The following ADCY1 variants were observed in gnomAD, a reference collection of about 807,000 sequenced individuals.
ADCY1 encodes adenylate cyclase 1.
In ADCY1, 28 loss-of-function variants were observed where a neutral mutation model predicts 105.4. The ratio of observed to expected loss-of-function variants is 0.27; its 90% CI spans 0.20 to 0.36. The LOEUF is 0.36. Ranked by LOEUF, ADCY1 falls within the 10% of genes least tolerant of loss-of-function variation. ADCY1 has a pLI of 1.00. For missense variants in ADCY1, 977 were observed against 1,434.2 expected (o/e 0.68, Z 5.15); for synonymous variants, 655 against 623.8 (o/e 1.05, Z -0.75).
intron 4 of ADCY1, among the ~76,000 whole-genome samples, chr7:45,644,271 T>C (rs1042045396): frequency 2.0e-5 from 3 of 152,218 alleles, no homozygotes; most frequent in Non-Finnish European, 4.4e-5. Context: ...AGCTCTGGAA[T>C]TGGCAGTGGA....
intron 1 of ADCY1, among the ~76,000 whole-genome samples, chr7:45,578,150 A>C (rs1230306618): frequency 1.3e-5 from 2 of 152,158 alleles, no homozygotes; most frequent in African/African-American, 4.8e-5. Flanking sequence ...CAGAGGAGAG[A>C]ACGCTGAAAG....
At chr7:45,610,628 G>C in intron 3 of ADCY1, 131 bp downstream of exon 3, 1 of 786,930 alleles carries the variant, frequency 1.3e-6, no homozygotes, top group East Asian at 2.5e-5. Context: ...TGGGGGTGTG[G>C]AGGTAATGGT....
chr7:45,636,794 G>C (rs1794408659), intron 4 of ADCY1, among the ~76,000 whole-genome samples: 1 of 152,218 alleles, frequency 6.6e-6, no homozygotes, highest in African/African-American at 2.4e-5. Context: ...GCCTGCCTCA[G>C]CCTCCCAAAG....
chr7:45,645,408 C>T (rs1189631167), intron 4 of ADCY1, among the ~76,000 whole-genome samples: 1 of 152,112 alleles, frequency 6.6e-6, no homozygotes, highest in Non-Finnish European at 1.5e-5. Context: ...CATGCCAAGT[C>T]TTGGTGTCAA....
At chr7:45,618,462 T>C (rs778208051) in intron 3 of ADCY1, among the ~76,000 whole-genome samples, 5 of 152,154 alleles carry the variant, frequency 3.3e-5, no homozygotes, top group Non-Finnish European at 7.4e-5. Context: ...GATAAAACAT[T>C]TGTAAACTAT....
intron 4 of ADCY1, among the ~76,000 whole-genome samples, chr7:45,638,541 G>A (rs1224022471): frequency 1.4e-5 from 2 of 145,134 alleles, no homozygotes; most frequent in African/African-American, 2.6e-5. Flanking sequence ...TTGGTGTTAC[G>A]TATTTTTCAA....
At chr7:45,693,343 C>T (rs1784818167) in intron 14 of ADCY1, among the ~76,000 whole-genome samples, 1 of 144,898 alleles carries the variant, frequency 6.9e-6, no homozygotes, top group Non-Finnish European at 1.5e-5. Context: ...ATGATGCTGG[C>T]CTCATAAAAT....
intron 3 of ADCY1, among the ~76,000 whole-genome samples, chr7:45,613,094 A>G (rs1793636386): frequency 6.6e-6 from 1 of 152,240 alleles, no homozygotes; most frequent in African/African-American, 2.4e-5. Context: ...AAACAAAGGA[A>G]TGAGATAAAT....
chr7:45,620,331 A>T (rs1328136041), intron 3 of ADCY1, among the ~76,000 whole-genome samples: 1 of 152,236 alleles, frequency 6.6e-6, no homozygotes, highest in Non-Finnish European at 1.5e-5. Flanking sequence ...AATAATGTAT[A>T]GTACACTTTA....
chr7:45,645,687 C>T (rs1229641717), intron 4 of ADCY1, among the ~76,000 whole-genome samples: 1 of 152,116 alleles, frequency 6.6e-6, no homozygotes. Flanking sequence ...GAGGTGGGGG[C>T]AGGGACACTA....
intron 2 of ADCY1, among the ~76,000 whole-genome samples, chr7:45,597,367 G>C (rs1793106305): frequency 6.6e-6 from 1 of 152,174 alleles, no homozygotes; most frequent in Non-Finnish European, 1.5e-5. Flanking sequence ...ATGCCAGATC[G>C]TTCTTGCCCC....
chr7:45,646,246 G>T (rs987569958), intron 4 of ADCY1, among the ~76,000 whole-genome samples: 1 of 152,122 alleles, frequency 6.6e-6, no homozygotes, highest in Non-Finnish European at 1.5e-5. Context: ...AGGCTGTCCG[G>T]TCGCATCCCT....
At chr7:45,645,609 C>A (rs1046508892) in intron 4 of ADCY1, among the ~76,000 whole-genome samples, 1 of 152,116 alleles carries the variant, frequency 6.6e-6, no homozygotes, top group African/African-American at 2.4e-5. Context: ...TCTGGACTCA[C>A]AGAGATGACC....
intron 14 of ADCY1, among the ~76,000 whole-genome samples, chr7:45,694,113 AAT>A (rs545457685): frequency 0.022 from 1,110 of 50,088 alleles, 13 homozygotes; most frequent in African/African-American, 0.052. Context: ...CTTAGAGTAT[AAT>A]AAAAAAAAAA....
intron 11 of ADCY1, chr7:45,684,747 T>C (rs1312307447): frequency 2.4e-6 from 1 of 419,148 alleles, no homozygotes; most frequent in Non-Finnish European, 4.3e-6. Context: ...AGGGAAGTAT[T>C]ATTCTTTGTA....
Position 45,657,683 on chromosome 7 carries a change from A to G in ADCY1, c.1149-44A>G, listed in dbSNP as rs1343205508. The G allele has an allele frequency of 3.8e-6, 6 of 1,585,356 alleles. No homozygotes were observed. In the Middle Eastern group the frequency reaches 5.0e-4, roughly 132 times the overall value. On this transcript the variant is annotated intron_variant, in intron 5 of 19. Coordinates refer to ENST00000297323, the MANE Select transcript of ADCY1 (RefSeq NM_021116.4). ...CAGACCAAGGTGGCCCCCTGGGAGGATACAAGGTGGGCCCTAGCCCCACGC... is the reference window on the plus strand; with the variant it reads ...CAGACCAAGGTGGCCCCCTGGGAGGGTACAAGGTGGGCCCTAGCCCCACGC...
Position 45,703,529 on chromosome 7 carries a change from T to A in ADCY1, c.2571+37T>A, listed in dbSNP as rs2247685. ...GCCTGCTCCTGGCCAGCACTAGCCC[T>A]ACACTGCTCTGGCCACCCCACTTGG... is the stretch of plus-strand genomic sequence containing the variant. On this transcript the variant is annotated intron_variant, in intron 15 of 19. Coordinates refer to ENST00000297323, the MANE Select transcript of ADCY1 (RefSeq NM_021116.4). The surrounding 1 kb of genome is among the most constrained non-coding windows in gnomAD (Gnocchi z 5.9). 2.0e-5 allele frequency: 33 copies of A among 1,613,286 alleles called. No homozygotes were observed. The highest frequency in any genetic ancestry group is 2.5e-5 in the Non-Finnish European group (30 of 1,179,630).
Position 45,686,151 on chromosome 7 carries a change from C to T in ADCY1, c.2263C>T (p.Leu755=), listed in dbSNP as rs1376224560. ...GGTGTCCTCCTTGCCAAAAATGATC[C>T]TGCTCTCCGGGCTCACCACGTCCTA... is the stretch of plus-strand genomic sequence containing the variant. ...FRVSSLPKMI[L]LSGLTTSYIL... is the part of the protein sequence containing the mutation. Residue 755 remains leucine, a synonymous_variant, in exon 13 of 20, where the codon CTG becomes TTG. Coordinates refer to ENST00000297323, the MANE Select transcript of ADCY1 (RefSeq NM_021116.4). This position sits in a 1 kb window ranked among gnomAD's most constrained non-coding sequence, Gnocchi z 4.3. 6.2e-7 allele frequency: 1 copy of T among 1,614,194 alleles called. No homozygotes were observed. The highest frequency in any genetic ancestry group is 8.5e-7 in the Non-Finnish European group (1 of 1,180,042).
intron 4 of ADCY1, among the ~76,000 whole-genome samples, chr7:45,624,654 C>G (rs996593088): frequency 1.3e-5 from 2 of 152,184 alleles, no homozygotes; most frequent in African/African-American, 4.8e-5. Flanking sequence ...CTGCTGGGCA[C>G]TGGAGCTTCT....
Sources: gnomAD v4.1 joint callset for allele counts (sites outside exome capture counted in the v4.1 genomes callset) on GRCh38, gnomAD v4.1.1 for gene constraint, Gnocchi (gnomAD v3.1) non-coding constraint, MANE v1.5 for transcripts, NCBI Gene and HGNC (gene_info 2026-07-23, HGNC 2026-07-21) for gene names.